Variants in CYP39A1 observed in about 807,000 individuals in gnomAD.
CYP39A1 encodes cytochrome P450 family 39 subfamily A member 1.
CYP39A1 carries 49 observed loss-of-function variants against 58.1 expected under a neutral mutation model. That is an observed-to-expected ratio of 0.84 (90% CI 0.67 to 1.07). The LOEUF (loss-of-function observed/expected upper bound fraction) is 1.07. Ranked by LOEUF, CYP39A1 falls within the 50% of genes least tolerant of loss-of-function variation. The pLI, the probability that CYP39A1 is intolerant of heterozygous loss-of-function variation, is 0.00. For missense variants in CYP39A1, 531 were observed against 539.4 expected, an observed-to-expected ratio of 0.98 and a Z score of 0.16; for synonymous variants, 209 against 187.6, an observed-to-expected ratio of 1.11 and a Z score of -0.93.
chr6:46,639,364 A>G, intron 3 of CYP39A1, 130 bp downstream of exon 3: 2 of 832,618 alleles, frequency 2.4e-6, no homozygotes, highest in Non-Finnish European at 3.7e-6. Context: ...AGATTAAAAT[A>G]ATCTCTTAAT....
intron 11 of CYP39A1, among the ~76,000 whole-genome samples, chr6:46,550,693 C>T (rs950229448): frequency 3.3e-5 from 5 of 152,148 alleles, no homozygotes; most frequent in African/African-American, 1.2e-4. Flanking sequence ...TATAGGCCTG[C>T]CACCCTTCGC....
chr6:46,650,484 CTTTTTTTTTTTTTT>C (rs567314746), intron 1 of CYP39A1, among the ~76,000 whole-genome samples: 10 of 35,172 alleles, frequency 2.8e-4, no homozygotes, highest in South Asian at 1.9e-3. Flanking sequence ...CAGTCATATT[CTTTTTTTTTTTTTT>C]TTTTTTTTTT....
At chr6:46,645,688 T>C (rs546538157) in intron 1 of CYP39A1, among the ~76,000 whole-genome samples, 22 of 152,298 alleles carry the variant, frequency 1.4e-4, no homozygotes, top group African/African-American at 5.1e-4. Context: ...AGAATAACCT[T>C]GTCTATATCT....
At chr6:46,636,260 C>T (rs546399336) in intron 5 of CYP39A1, 129 bp downstream of exon 5, 2 of 610,866 alleles carry the variant, frequency 3.3e-6, no homozygotes, top group East Asian at 3.0e-5. Flanking sequence ...TGTATCTCAA[C>T]ATGTCCAGTA....
intron 1 of CYP39A1, among the ~76,000 whole-genome samples, chr6:46,647,612 T>C (rs924225377): frequency 1.3e-5 from 2 of 152,224 alleles, no homozygotes; most frequent in Non-Finnish European, 2.9e-5. Flanking sequence ...AATGATGCTT[T>C]ATTGAGCAAA....
chr6:46,557,941 A>G (rs1770744476), intron 10 of CYP39A1, among the ~76,000 whole-genome samples: 3 of 150,118 alleles, frequency 2.0e-5, no homozygotes. Context: ...CTCAAAAAAA[A>G]AAAAAAAAAA....
In CYP39A1 at chr6:46,550,376, T is replaced by G. The variant is rs774005252; in HGVS notation, c.1400A>C (p.Gln467Pro). ...PEGQCRIEYK[Q>P]RI ...GAGGCCCAACAGATGTCATATTCTT[T>G]GTTTATATTCAATTCGGCATTGCCC... The change falls in exon 12 of 12, where the codon CAA becomes CCA. Residue 467 changes from glutamine to proline, a missense_variant. Gln to Pro is a moderately conservative substitution (Grantham distance 76). Transcript: ENST00000275016. 1 of 1,612,854 alleles carries G rather than the reference T, an allele frequency of 6.2e-7. No individual in the cohort carries two copies. The highest frequency in any genetic ancestry group is 8.5e-7 in the Non-Finnish European group (1 of 1,179,460).
intron 2 of CYP39A1, 47 bp downstream of exon 2, chr6:46,642,116 G>T: frequency 1.9e-6 from 3 of 1,600,060 alleles, no homozygotes; most frequent in East Asian, 2.2e-5. Flanking sequence ...ACTACTCCTG[G>T]ATTCCAATGT....
chr6:46,630,496 T>G (rs934063380), intron 6 of CYP39A1, among the ~76,000 whole-genome samples: 1 of 152,136 alleles, frequency 6.6e-6, no homozygotes, highest in African/African-American at 2.4e-5. Flanking sequence ...ACAGAAAATT[T>G]AAATTACCAC....
At chr6:46,643,119 C>T (rs1416816380) in intron 1 of CYP39A1, among the ~76,000 whole-genome samples, 1 of 152,126 alleles carries the variant, frequency 6.6e-6, no homozygotes, top group East Asian at 1.9e-4. Flanking sequence ...TACTGTAGCA[C>T]AGGGTTTGAT....
At chr6:46,575,857 C>T (rs968680860) in intron 10 of CYP39A1, among the ~76,000 whole-genome samples, 1 of 152,196 alleles carries the variant, frequency 6.6e-6, no homozygotes, top group Non-Finnish European at 1.5e-5. Flanking sequence ...TGAAGCCAGT[C>T]AACTAAATCC....
chr6:46,605,875 C>T (rs2150539841), intron 7 of CYP39A1, among the ~76,000 whole-genome samples: 1 of 152,332 alleles, frequency 6.6e-6, no homozygotes, highest in African/African-American at 2.4e-5. Context: ...AGCATCTACA[C>T]TGGACAAATC....
chr6:46,553,674 A>G (rs915635623), intron 11 of CYP39A1, 93 bp downstream of exon 11: 28 of 803,896 alleles, frequency 3.5e-5, no homozygotes, highest in Non-Finnish European at 6.0e-5. Context: ...AGGAAATGTC[A>G]GCTCATCTCT....
At chr6:46,605,281 G>A (rs999672924) in intron 7 of CYP39A1, among the ~76,000 whole-genome samples, 8 of 152,144 alleles carry the variant, frequency 5.3e-5, no homozygotes, top group Admixed American at 6.5e-5. Flanking sequence ...GAAGTGAAAG[G>A]CAACTGGGGC....
At chr6:46,616,527 C>T (rs991766857) in intron 7 of CYP39A1, among the ~76,000 whole-genome samples, 1 of 151,642 alleles carries the variant, frequency 6.6e-6, no homozygotes, top group African/African-American at 2.4e-5. Context: ...GCCATCATGC[C>T]CACCCATTTA....
At chr6:46,623,858 A>G (rs1045063069) in intron 7 of CYP39A1, among the ~76,000 whole-genome samples, 4 of 152,136 alleles carry the variant, frequency 2.6e-5, no homozygotes, top group African/African-American at 9.7e-5. Context: ...TAGCTTCTGT[A>G]TAAGTATGGT....
intron 11 of CYP39A1, among the ~76,000 whole-genome samples, chr6:46,551,445 G>T (rs1164310054): frequency 6.6e-6 from 1 of 151,048 alleles, no homozygotes; most frequent in Non-Finnish European, 1.5e-5. Context: ...TTTTGCAAGA[G>T]AATTAAAGTT....
chr6:46,652,797 T>A lies in CYP39A1; in HGVS notation c.-215A>T. 2.0e-6 allele frequency: 1 copy of A among 498,564 alleles called. No individual in the cohort carries two copies. Among genetic ancestry groups the A allele is most frequent in the East Asian group, 3.3e-5 (1 of 30,016 alleles). The allele number at this position is 498,564 out of a possible 1,614,324, so 30.9% of individuals were successfully genotyped here. On this transcript the variant is annotated 5_prime_UTR_variant, in exon 1 of 12. Transcript: ENST00000275016. ...TCCCACCTCCACTTCTCTTTGAATC[T>A]CAGCCAGCGCGGAAAAAATGCAAGG...
chr6:46,641,504 C>A (rs977860862), intron 2 of CYP39A1, among the ~76,000 whole-genome samples: 8 of 152,024 alleles, frequency 5.3e-5, no homozygotes, highest in African/African-American at 1.4e-4. Context: ...TAGAAGCAAG[C>A]AAAAACATTG....
Sources: allele counts gnomAD v4.1 joint callset (sites outside exome capture counted in the v4.1 genomes callset), GRCh38; gene constraint gnomAD v4.1.1; transcripts MANE v1.5; gene names NCBI Gene and HGNC (gene_info 2026-07-23, HGNC 2026-07-21).